Variants in TMEM232 observed in about 807,000 individuals in gnomAD.
TMEM232 encodes transmembrane protein 232.
Under a neutral mutation model 78.8 loss-of-function variants are expected in TMEM232, and 80 were observed. The ratio of observed to expected loss-of-function variants is 1.01; its 90% CI spans 0.85 to 1.22. The LOEUF (loss-of-function observed/expected upper bound fraction) is 1.22, where lower values mean the gene tolerates loss of function less well. Ranked by LOEUF, TMEM232 falls within the 50% of genes most tolerant of loss-of-function variation. The probability of loss-of-function intolerance (pLI) is 0.00; values close to 1 mark genes in which losing one functional copy is unlikely to be tolerated. For missense variants in TMEM232, 881 were observed against 742.2 expected, an observed-to-expected ratio of 1.19 and a Z score of -2.17; for synonymous variants, 297 against 254.3, an observed-to-expected ratio of 1.17 and a Z score of -1.60.
intron 1 of TMEM232, among the ~76,000 whole-genome samples, chr5:110,725,280 T>C (rs898586824): frequency 2.6e-5 from 4 of 152,214 alleles, no homozygotes; most frequent in African/African-American, 4.8e-5. Context: ...TTCTCATATA[T>C]ACTCTACATC....
chr5:110,473,943 T>G (rs1580829034), intron 12 of TMEM232, among the ~76,000 whole-genome samples: 1 of 86,464 alleles, frequency 1.2e-5, no homozygotes, highest in Non-Finnish European at 2.2e-5. Flanking sequence ...TACTCCTGTG[T>G]GAAATCAAAA....
At chr5:110,665,826 G>C (rs1790492751) in intron 2 of TMEM232, among the ~76,000 whole-genome samples, 1 of 149,338 alleles carries the variant, frequency 6.7e-6, no homozygotes, top group African/African-American at 2.5e-5. Context: ...ACGAAAAGGA[G>C]TGCCGATCAC....
intron 10 of TMEM232, among the ~76,000 whole-genome samples, chr5:110,592,671 A>T (rs1240784826): frequency 6.6e-6 from 1 of 152,180 alleles, no homozygotes; most frequent in East Asian, 1.9e-4. Flanking sequence ...AAACAAAAAC[A>T]AAAACAAAAA....
chr5:110,601,675 G>T (rs1209443131), intron 10 of TMEM232, among the ~76,000 whole-genome samples: 1 of 152,138 alleles, frequency 6.6e-6, no homozygotes, highest in Non-Finnish European at 1.5e-5. Flanking sequence ...AACATTCCAT[G>T]CTCAGGGATA....
chr5:110,486,694 GC>G (rs950637798), intron 12 of TMEM232, among the ~76,000 whole-genome samples: 6 of 151,964 alleles, frequency 3.9e-5, no homozygotes, highest in African/African-American at 1.4e-4. Context: ...TTACACCAGT[GC>G]CATGCTGTTA....
chr5:110,702,451 T>C (rs1795526398), intron 1 of TMEM232, among the ~76,000 whole-genome samples: 1 of 152,024 alleles, frequency 6.6e-6, no homozygotes. Context: ...TGTATCTCAC[T>C]CTGTAGAAGC....
At chr5:110,406,257 GATAT>G (rs372613112) in intron 2 of TMEM232, among the ~76,000 whole-genome samples, 7 of 80,814 alleles carry the variant, frequency 8.7e-5, no homozygotes, top group African/African-American at 2.3e-4. Flanking sequence ...CTATGACACA[GATAT>G]ATATACACAC....
intron 12 of TMEM232, among the ~76,000 whole-genome samples, chr5:110,480,655 G>A (rs1301638724): frequency 6.6e-6 from 1 of 151,968 alleles, no homozygotes; most frequent in Non-Finnish European, 1.5e-5. Context: ...GTTCTCTATA[G>A]TATTGCTCAA....
chr5:110,668,319 T>A (rs1790874467), intron 1 of TMEM232, among the ~76,000 whole-genome samples: 1 of 152,126 alleles, frequency 6.6e-6, no homozygotes, highest in Non-Finnish European at 1.5e-5. Context: ...ATAAAAAGCT[T>A]TGGCCTTTAA....
intron 2 of TMEM232, among the ~76,000 whole-genome samples, chr5:110,651,222 A>G (rs539554076): frequency 3.9e-5 from 6 of 152,242 alleles, no homozygotes; most frequent in East Asian, 3.9e-4. Flanking sequence ...AGAACACCAT[A>G]TATCAACATG....
intron 12 of TMEM232, among the ~76,000 whole-genome samples, chr5:110,469,276 A>T (rs12515045): frequency 6.6e-6 from 1 of 152,140 alleles, no homozygotes; most frequent in Non-Finnish European, 1.5e-5. Context: ...TTGAGTAGCC[A>T]TGGAAATCTC....
chr5:110,716,421 G>C (rs987337521), intron 1 of TMEM232, among the ~76,000 whole-genome samples: 4 of 152,104 alleles, frequency 2.6e-5, no homozygotes, highest in African/African-American at 9.7e-5. Context: ...GGAGACCTAA[G>C]CTTGTTTTCC....
At chr5:110,653,969 A>G (rs1788686423) in intron 2 of TMEM232, among the ~76,000 whole-genome samples, 1 of 152,224 alleles carries the variant, frequency 6.6e-6, no homozygotes, top group Non-Finnish European at 1.5e-5. Flanking sequence ...AAAAATAATT[A>G]ATCAAAGGAA....
At chr5:110,736,432 C>CATAATA (rs1799172151) in intron 1 of TMEM232, among the ~76,000 whole-genome samples, 1 of 152,036 alleles carries the variant, frequency 6.6e-6, no homozygotes, top group Non-Finnish European at 1.5e-5. Context: ...CTATGCAAGC[C>CATAATA]CGTGCTCAGA....
chr5:110,543,409 G>A (rs186272388), intron 11 of TMEM232, among the ~76,000 whole-genome samples: 21 of 152,178 alleles, frequency 1.4e-4, no homozygotes, highest in African/African-American at 4.6e-4. Context: ...CCTTATTTAC[G>A]AAAGGCTTTG....
chr5:110,431,822 A>T (rs775567562), intron 12 of TMEM232, among the ~76,000 whole-genome samples: 6 of 151,614 alleles, frequency 4.0e-5, no homozygotes, highest in Non-Finnish European at 5.9e-5. Context: ...GGGAAACAGA[A>T]ATATCTAGGC....
intron 10 of TMEM232, among the ~76,000 whole-genome samples, chr5:110,587,683 ATATATATATGTGTGTG>A (rs1284662975): frequency 1.3e-3 from 123 of 92,006 alleles, no homozygotes; most frequent in African/African-American, 6.0e-3. Flanking sequence ...ATATATATAT[ATATATATATGTGTGTG>A]TGTGTGTGTG....
At chr5:110,631,496 C>T (rs1034440633) in intron 5 of TMEM232, among the ~76,000 whole-genome samples, 1 of 152,122 alleles carries the variant, frequency 6.6e-6, no homozygotes, top group African/African-American at 2.4e-5. Flanking sequence ...TGTGTTCAGG[C>T]TCATGCATAG....
At chr5:110,452,239 T>C (rs1272129869) in intron 12 of TMEM232, among the ~76,000 whole-genome samples, 1 of 152,186 alleles carries the variant, frequency 6.6e-6, no homozygotes, top group Non-Finnish European at 1.5e-5. Flanking sequence ...ATAATAATTA[T>C]ATATTGGGTG....
Sources: gnomAD v4.1 joint callset for allele counts (sites outside exome capture counted in the v4.1 genomes callset) on GRCh38, gnomAD v4.1.1 for gene constraint, MANE v1.5 for transcripts, NCBI Gene and HGNC (gene_info 2026-07-23, HGNC 2026-07-21) for gene names.